IL23R: variants seen among roughly 807,000 people sequenced by gnomAD.
IL23R encodes interleukin 23 receptor, also known as interleukin-23 receptor.
IL23R carries 34 observed loss-of-function variants against 56.9 expected under a neutral mutation model. The ratio of observed to expected loss-of-function variants is 0.60; its 90% confidence interval spans 0.45 to 0.80. The LOEUF (loss-of-function observed/expected upper bound fraction) is 0.80, where lower values mean the gene tolerates loss of function less well. IL23R is among the 30% of genes least tolerant of loss of function. IL23R has a pLI of 0.00. For missense variants in IL23R, 635 were observed against 730.0 expected (o/e 0.87, Z 1.50); for synonymous variants, 230 against 249.2 (o/e 0.92, Z 0.73).
At chr1:67,215,697 C>T (rs1032566449) in intron 6 of IL23R, among the ~76,000 whole-genome samples, 6 of 152,152 alleles carry the variant, frequency 3.9e-5, no homozygotes, top group African/African-American at 7.2e-5. Context: ...GGAACCAGTT[C>T]GTGTGAGGAG....
intron 7 of IL23R, among the ~76,000 whole-genome samples, 196 bp downstream of exon 7, chr1:67,219,926 G>T (rs1650131961): frequency 6.6e-6 from 1 of 152,072 alleles, no homozygotes; most frequent in Non-Finnish European, 1.5e-5. Flanking sequence ...ATTATTATTA[G>T]CCTGGGTGGT....
At chr1:67,223,353 G>A (rs7528924) in intron 7 of IL23R, among the ~76,000 whole-genome samples, 115,845 of 152,128 alleles carry the variant, frequency 0.76, 44,428 homozygotes, top group East Asian at 0.99. Context: ...TCTGTTTCCT[G>A]AGGAGAAAAA....
chr1:67,188,355 T>C (rs1288061924), intron 4 of IL23R, among the ~76,000 whole-genome samples: 1 of 152,160 alleles, frequency 6.6e-6, no homozygotes, highest in Non-Finnish European at 1.5e-5. Context: ...CAGTGTCACA[T>C]GTCTACTCTG....
At chr1:67,147,671 T>TCCA (rs1646691852) in intron 1 of IL23R, among the ~76,000 whole-genome samples, 1 of 151,940 alleles carries the variant, frequency 6.6e-6, no homozygotes, top group Non-Finnish European at 1.5e-5. Flanking sequence ...GCCACTGCAC[T>TCCA]CCAGCCTGGG....
At chr1:67,183,217 G>T (rs1181720679) in intron 4 of IL23R, among the ~76,000 whole-genome samples, 1 of 152,188 alleles carries the variant, frequency 6.6e-6, no homozygotes, top group East Asian at 1.9e-4. Context: ...GGCTCCTAAT[G>T]GTGGTACAGC....
At chr1:67,236,860 C>A (rs762454765) in intron 8 of IL23R, 58 bp downstream of exon 8, 9 of 1,100,084 alleles carry the variant, frequency 8.2e-6, no homozygotes, top group South Asian at 1.2e-5. Flanking sequence ...CCATTTTAAC[C>A]CATCATACTG....
At chr1:67,163,246 A>T (rs1646838243), upstream of IL23R, among the ~76,000 whole-genome samples, 1 of 152,034 alleles carries the variant, frequency 6.6e-6, no homozygotes, top group South Asian at 2.1e-4. Flanking sequence ...AAGTGAGCAG[A>T]TCACTTGAGA....
At chr1:67,165,798 C>T (rs1646867878), upstream of IL23R, among the ~76,000 whole-genome samples, 2 of 151,998 alleles carry the variant, frequency 1.3e-5, no homozygotes, top group African/African-American at 4.8e-5. Context: ...ATGGTGGTTA[C>T]CAAGGTTAGA....
chr1:67,251,865 G>T (rs1476170268), intron 9 of IL23R, among the ~76,000 whole-genome samples: 2 of 152,142 alleles, frequency 1.3e-5, no homozygotes, highest in African/African-American at 4.8e-5. Context: ...GCTTGCAAAA[G>T]CTTTTAACTA....
Position 67,226,950 on chromosome 1 carries a change from C to T in IL23R, c.955+7220C>T, listed in dbSNP as rs561554146. Among the ~76,000 whole-genome samples, 83 of 152,306 alleles carry T rather than the reference C, an allele frequency of 5.4e-4. 3 individuals are homozygous for T. In the South Asian group the frequency reaches 0.016, roughly 30 times the overall value. ...AAAGCACAGGATATAGGACTGTTGT[C>T]GTAATTAACCATCACATCACACATG... On this transcript the variant is annotated intron_variant, in intron 7 of 10. Coordinates refer to ENST00000347310, the MANE Select transcript of IL23R (RefSeq NM_144701.3).
intron 8 of IL23R, among the ~76,000 whole-genome samples, chr1:67,237,947 A>T (rs1387403660): frequency 4.6e-5 from 7 of 152,228 alleles, no homozygotes; most frequent in African/African-American, 1.7e-4. Flanking sequence ...AGTGAAAACA[A>T]TGAGCAAAGC....
At chr1:67,237,712 T>C (rs1651577253) in intron 8 of IL23R, among the ~76,000 whole-genome samples, 1 of 152,198 alleles carries the variant, frequency 6.6e-6, no homozygotes, top group African/African-American at 2.4e-5. Flanking sequence ...GGTTGTACAA[T>C]GGGTGAACAT....
intron 7 of IL23R, among the ~76,000 whole-genome samples, chr1:67,227,998 C>CTTTCT (rs1650773320): frequency 1.0e-5 from 1 of 99,506 alleles, no homozygotes; most frequent in Non-Finnish European, 2.1e-5. Flanking sequence ...TTCTTTCTTT[C>CTTTCT]TTTCTTTCTT....
chr1:67,232,012 T>C (rs1297792045), intron 7 of IL23R, among the ~76,000 whole-genome samples: 1 of 152,116 alleles, frequency 6.6e-6, no homozygotes, highest in Non-Finnish European at 1.5e-5. Flanking sequence ...GGTGTGAGAC[T>C]CTGTCTCAAA....
chr1:67,168,087 T>A lies in IL23R; in HGVS notation c.-29-5T>A, dbSNP rs754677364. 1 of 1,433,894 alleles carries A rather than the reference T, an allele frequency of 7.0e-7. No individual in the cohort carries two copies. The highest frequency in any genetic ancestry group is 1.7e-5 in the Admixed American group (1 of 59,788). The allele number at this position is 1,433,894 out of a possible 1,614,324, so 88.8% of individuals were successfully genotyped here. A position where few individuals can be genotyped will look rare whatever the true frequency, so the allele number is the denominator to read the frequency against. On this transcript the variant is annotated splice_polypyrimidine_tract_variant and splice_region_variant and intron_variant, in intron 1 of 10. Coordinates refer to ENST00000347310, the MANE Select transcript of IL23R (RefSeq NM_144701.3). The stretch of plus-strand genomic sequence containing the variant: ...ATTTAAACATTTTTCATATTTTTTT[T>A]CCAGAGGGAAACAGTCTTTTCCTGC...
intron 3 of IL23R, among the ~76,000 whole-genome samples, 190 bp from the exon 4 acceptor site, chr1:67,182,646 C>T (rs1042180759): frequency 2.0e-5 from 3 of 152,192 alleles, no homozygotes; most frequent in Non-Finnish European, 2.9e-5. Context: ...CACTGTCCCG[C>T]ACCCACTGTC....
In IL23R at chr1:67,169,831, T is replaced by C. The variant is rs570820754; in HGVS notation, c.367+193T>C. The stretch of plus-strand genomic sequence containing the variant: ...ATATGAACTGTAGCCACTGCCCAGA[T>C]CCAGTAATCACAGGTGCCCGGTATT... On this transcript the variant is annotated intron_variant, in intron 3 of 10. Transcript: ENST00000347310. 2.6e-5 allele frequency among the ~76,000 whole-genome samples: 4 copies of C among 152,308 alleles called. No homozygotes were observed. The South Asian group carries it at 8.3e-4, about 32-fold the overall frequency.
chr1:67,264,990 C>T, the IL23R span, among the ~76,000 whole-genome samples: 22 of 152,266 alleles, frequency 1.4e-4, no homozygotes, highest in Non-Finnish European at 2.4e-4. Flanking sequence ...TAACTCTTTC[C>T]TGAGATTGTT....
the IL23R span, among the ~76,000 whole-genome samples, chr1:67,265,394 T>C: frequency 6.6e-6 from 1 of 152,100 alleles, no homozygotes; most frequent in African/African-American, 2.4e-5. Flanking sequence ...AATTATGAGG[T>C]TTTTCCTAGT....
Sources: gnomAD v4.1 joint callset for allele counts (sites outside exome capture counted in the v4.1 genomes callset) on GRCh38, gnomAD v4.1.1 for gene constraint, MANE v1.5 for transcripts, NCBI Gene and HGNC (gene_info 2026-07-23, HGNC 2026-07-21) for gene names.